DOK4: variants seen among roughly 807,000 people sequenced by gnomAD.
The protein encoded by DOK4 is downstream of tyrosine kinase 4.
A neutral mutation model predicts 40.1 loss-of-function variants in DOK4; 26 were observed. The ratio of observed to expected loss-of-function variants is 0.65; its 90% CI spans 0.48 to 0.90. The LOEUF is 0.90. Ranked by LOEUF, DOK4 falls within the 40% of genes least tolerant of loss-of-function variation. The probability of loss-of-function intolerance (pLI) is 0.00; values close to 1 mark genes in which losing one functional copy is unlikely to be tolerated. For missense variants in DOK4, 392 were observed against 437.2 expected (o/e 0.90, Z 0.92); for synonymous variants, 179 against 177.0 (o/e 1.01, Z -0.09).
exon 9 of DOK4, chr16:57,472,319 C>G (rs1176937152): frequency 6.5e-6 from 1 of 152,680 alleles, no homozygotes; most frequent in Admixed American, 6.5e-5. Flanking sequence ...CCCCACACAA[C>G]CAAAAGTTTG....
chr16:57,482,567 C>T (rs1298363162), intron 1 of DOK4, among the ~76,000 whole-genome samples: 3 of 151,864 alleles, frequency 2.0e-5, no homozygotes, highest in African/African-American at 7.3e-5. Flanking sequence ...CGGGGTTTCA[C>T]CGTGTTAGCC....
chr16:57,486,215 C>T (rs1281272634), intron 1 of DOK4, 90 bp downstream of exon 1: 1 of 152,180 alleles, frequency 6.6e-6, no homozygotes, highest in African/African-American at 2.4e-5. Flanking sequence ...CAGGAAGTGA[C>T]TGAGGGTCCT....
At chr16:57,484,796 T>G (rs2031502416) in intron 1 of DOK4, among the ~76,000 whole-genome samples, 1 of 152,198 alleles carries the variant, frequency 6.6e-6, no homozygotes, top group East Asian at 1.9e-4. Context: ...AGTCAGCCTC[T>G]CTCACAACAT....
chr16:57,474,074 A>AC (rs763969152), intron 6 of DOK4, 35 bp from the exon 7 acceptor site: 1 of 1,591,660 alleles, frequency 6.3e-7, no homozygotes. Flanking sequence ...GATGGTGGGG[A>AC]CCCACCACAG....
chr16:57,481,799 A>G (rs1192859170), intron 1 of DOK4: 2 of 152,228 alleles, frequency 1.3e-5, no homozygotes, highest in Non-Finnish European at 2.9e-5. Context: ...ACCTACTTTA[A>G]ATGAGGAAAT....
At position 57,485,525 on chromosome 16, in the gene DOK4, C is replaced by T. The variant is rs2031517792; in HGVS notation, c.-182+780G>A. Among the ~76,000 whole-genome samples, 1 of 152,154 alleles carries T rather than the reference C, an allele frequency of 6.6e-6. No homozygotes were observed. ...AAGTGGAGTCTCCTAGAGATACTGC[C>T]AGGCCCCTCGCTGCCCTGGCCATCA... On this transcript the variant is annotated intron_variant, in intron 1 of 8. Coordinates refer to ENST00000340099, the Ensembl canonical transcript of DOK4. The surrounding 1 kb of genome is among the most constrained non-coding windows in gnomAD (Gnocchi z 4.3).
intron 2 of DOK4, among the ~76,000 whole-genome samples, chr16:57,477,591 C>T (rs1310959146): frequency 6.6e-6 from 1 of 152,198 alleles, no homozygotes. Flanking sequence ...CTGAGCATGC[C>T]GGTTGCCTGG....
chr16:57,484,799 C>T (rs1225059669), intron 1 of DOK4, among the ~76,000 whole-genome samples: 1 of 152,248 alleles, frequency 6.6e-6, no homozygotes, highest in Non-Finnish European at 1.5e-5. Flanking sequence ...CAGCCTCTCT[C>T]ACAACATCAG....
chr16:57,475,648 C>T (rs1236598621), intron 3 of DOK4, 28 bp from the exon 4 acceptor site: 1 of 1,346,018 alleles, frequency 7.4e-7, no homozygotes, highest in Non-Finnish European at 1.0e-6. Context: ...AGGGACTTAG[C>T]CAGGCCAGTG....
In DOK4 at chr16:57,485,765, G is replaced by A. The variant is rs2031523125; in HGVS notation, c.-182+540C>T. On this transcript the variant is annotated intron_variant, in intron 1 of 8. Coordinates refer to ENST00000340099, the Ensembl canonical transcript of DOK4. The surrounding 1 kb of genome is among the most constrained non-coding windows in gnomAD (Gnocchi z 4.3). ...GGAGAAGGTGGACAGGACCTTGGGG[G>A]CCAATGGAGAAAGGTTCAAGGACAG... Among the ~76,000 whole-genome samples, 1 of 152,234 alleles carries A rather than the reference G, an allele frequency of 6.6e-6. No homozygotes were observed. Among genetic ancestry groups the A allele is most frequent in the African/African-American group, 2.4e-5 (1 of 41,466 alleles).
chr16:57,472,994 G>C, exon 9 of DOK4: 1 of 181,076 alleles, frequency 5.5e-6, no homozygotes. Context: ...CTGTGCCATG[G>C]AGGATGGACA....
chr16:57,473,088 GGGGTGA>G, exon 9 of DOK4: 1 of 385,918 alleles, frequency 2.6e-6, no homozygotes, highest in Non-Finnish European at 4.7e-6. Flanking sequence ...GGGGAAGGAT[GGGGTGA>G]GGGTGAGGGG....
At chr16:57,477,714 C>T (rs539786102) in intron 2 of DOK4, among the ~76,000 whole-genome samples, 5 of 152,298 alleles carry the variant, frequency 3.3e-5, no homozygotes, top group Admixed American at 1.3e-4. Context: ...AGCTCTGCCG[C>T]GGGAGAAAGG....
intron 1 of DOK4, among the ~76,000 whole-genome samples, chr16:57,480,713 T>G (rs1294893843): frequency 6.6e-6 from 1 of 151,664 alleles, no homozygotes; most frequent in African/African-American, 2.4e-5. Flanking sequence ...GAAGTGGGAG[T>G]ACCAGCAGAG....
At chr16:57,475,371 G>T in intron 4 of DOK4, 135 bp downstream of exon 4, 1 of 1,419,424 alleles carries the variant, frequency 7.0e-7, no homozygotes, top group Non-Finnish European at 9.6e-7. Flanking sequence ...CCTGCTCCCT[G>T]AAAGCACCCC....
chr16:57,482,326 TAA>T (rs1192442453), intron 1 of DOK4, among the ~76,000 whole-genome samples: 1 of 150,324 alleles, frequency 6.7e-6, no homozygotes, highest in Non-Finnish European at 1.5e-5. Context: ...CATGCCCAGC[TAA>T]TTTTTAAAAA....
rs545791610 is a variant in DOK4, at chr16:57,484,617, G to T, written c.-182+1688C>A. Among the ~76,000 whole-genome samples, 35 of 152,126 alleles carry T rather than the reference G, an allele frequency of 2.3e-4. 1 individual carries two copies. Among genetic ancestry groups the T allele is most frequent in the South Asian group, 6.2e-4 (3 of 4,824 alleles). On this transcript the variant is annotated intron_variant, in intron 1 of 8. Transcript: ENST00000340099. ...CCCCGTACCACTCTGGTTCTCCTGG[G>T]TCCCCTGCCCACCCCTCAACATGCC...
intron 1 of DOK4, 103 bp downstream of exon 1, chr16:57,486,202 G>A (rs1185029986): frequency 6.6e-6 from 1 of 152,204 alleles, no homozygotes; most frequent in Non-Finnish European, 1.5e-5. Context: ...GCGTCCTCAG[G>A]TTCAGGAAGT....
chr16:57,480,559 C>T (rs569891262), intron 1 of DOK4: 1 of 152,538 alleles, frequency 6.6e-6, no homozygotes, highest in East Asian at 1.9e-4. Context: ...CCCCAACAGG[C>T]CACTGGGTCT....
Sources: allele counts gnomAD v4.1 joint callset (sites outside exome capture counted in the v4.1 genomes callset), GRCh38; gene constraint gnomAD v4.1.1; non-coding constraint Gnocchi (gnomAD v3.1); transcripts MANE v1.5; gene names NCBI Gene and HGNC (gene_info 2026-07-23, HGNC 2026-07-21).